The following SPAST variants were observed in gnomAD, a reference collection of about 807,000 sequenced individuals.
The protein encoded by SPAST is spastic paraplegia 4 (autosomal dominant; spastin).
Under a neutral mutation model 76.6 loss-of-function variants are expected in SPAST, and 30 were observed. The observed-to-expected ratio is 0.39, with a 90% confidence interval of 0.29 to 0.53. SPAST has a LOEUF of 0.53. Among genes scored for constraint, SPAST ranks in the 20% least tolerant of loss-of-function variants. SPAST has a pLI of 0.68. For missense variants in SPAST, 717 were observed against 770.5 expected (o/e 0.93, Z 0.82); for synonymous variants, 305 against 281.0 (o/e 1.09, Z -0.86).
rs946522636 is a variant in SPAST, at chr2:32,155,674, T to C, written c.*1178T>C. ...CAGTAATTCCATTTGTTTGTATAAA[T>C]ATGCCTGGATTTTCATTATAAAAAT... is the stretch of plus-strand genomic sequence containing the variant. On this transcript the variant is annotated 3_prime_UTR_variant, in exon 17 of 17. Transcript: ENST00000315285. 2.0e-5 allele frequency: 3 copies of C among 152,518 alleles called. No individual in the cohort carries two copies. The highest frequency in any genetic ancestry group is 7.2e-5 in the African/African-American group (3 of 41,430). The allele number at this position is 152,518 out of a possible 1,614,324, so 9.4% of individuals were successfully genotyped here.
At position 32,127,689 on chromosome 2, in the gene SPAST, G is replaced by A. The variant is rs1679240292; in HGVS notation, c.1173+667G>A. ...TTTTTTAAGTATTCTTTTGCCAGAA[G>A]TTTTTATCAGGCTCTGGATACCTCT... On this transcript the variant is annotated intron_variant, in intron 8 of 16. Coordinates refer to ENST00000315285, the MANE Select transcript of SPAST (RefSeq NM_014946.4). 9.3e-5 allele frequency: 14 copies of A among 150,064 alleles called. No homozygotes were observed. In the South Asian group the frequency reaches 2.9e-3, roughly 31 times the overall value. The allele number at this position is 150,064 out of a possible 1,614,324, so 9.3% of individuals were successfully genotyped here.
At chr2:32,075,554 T>C (rs1389891637) in intron 1 of SPAST, among the ~76,000 whole-genome samples, 4 of 135,060 alleles carry the variant, frequency 3.0e-5, no homozygotes, top group East Asian at 2.3e-4. Context: ...TTTCTTTTTT[T>C]TTTTTTTTTT....
chr2:32,119,466 T>G (rs1678947090), intron 7 of SPAST, among the ~76,000 whole-genome samples: 2 of 152,124 alleles, frequency 1.3e-5, no homozygotes, highest in Admixed American at 6.6e-5. Context: ...GAATCATAAT[T>G]AGTCATCTAA....
chr2:32,128,379 T>C, intron 8 of SPAST, 29 bp from the exon 9 acceptor site: 1 of 1,473,676 alleles, frequency 6.8e-7, no homozygotes, highest in Non-Finnish European at 9.5e-7. Flanking sequence ...ATTGAACTAA[T>C]TTAATATTTG....
In SPAST at chr2:32,140,812, G is replaced by A. The variant is rs554420817; in HGVS notation, c.1494-1092G>A. On this transcript the variant is annotated intron_variant, in intron 12 of 16. Coordinates refer to ENST00000315285, the MANE Select transcript of SPAST (RefSeq NM_014946.4). ...TTAAAAAATTAAATTATTTTATTTCGTGGAAAGATACTTGGTCATAATTTT... is the reference window on the plus strand; with the variant it reads ...TTAAAAAATTAAATTATTTTATTTCATGGAAAGATACTTGGTCATAATTTT... Among the ~76,000 whole-genome samples, 10 of 145,610 alleles carry A rather than the reference G, an allele frequency of 6.9e-5. No individual in the cohort carries two copies. In the South Asian group the frequency reaches 1.9e-3, roughly 28 times the overall value.
chr2:32,089,218 T>TTTTTTTTTTTTTTTTTTTTTTTTTTC (rs375850129), intron 2 of SPAST, among the ~76,000 whole-genome samples: 1 of 129,974 alleles, frequency 7.7e-6, no homozygotes, highest in Admixed American at 8.1e-5. Flanking sequence ...TTTTTTTTTT[T>TTTTTTTTTTTTTTTTTTTTTTTTTTC]AAGTAGAGAC....
chr2:32,121,305 A>G (rs1679009776), intron 7 of SPAST, among the ~76,000 whole-genome samples: 2 of 151,812 alleles, frequency 1.3e-5, no homozygotes, highest in Admixed American at 6.6e-5. Context: ...GGCATCTGCC[A>G]CCACGCCCAG....
chr2:32,110,495 A>AG (rs1678513232), intron 4 of SPAST, among the ~76,000 whole-genome samples: 1 of 136,642 alleles, frequency 7.3e-6, no homozygotes, highest in Non-Finnish European at 1.6e-5. Flanking sequence ...GTAACTATAT[A>AG]TATAGTATAT....
chr2:32,150,016 T>G (rs1244549987), intron 16 of SPAST, among the ~76,000 whole-genome samples: 1 of 151,680 alleles, frequency 6.6e-6, no homozygotes, highest in Non-Finnish European at 1.5e-5. Flanking sequence ...GCCTGTCGGA[T>G]GAGGCACCAT....
rs202142071 is a variant in SPAST, at chr2:32,087,647, C to CTATT, written c.502+87_502+90dup. On this transcript the variant is annotated intron_variant, in intron 2 of 16. Coordinates refer to ENST00000315285, the MANE Select transcript of SPAST (RefSeq NM_014946.4). ...TCACATGATTGTCCAGATTTCAGAT[C>CTATT]TATTTATTTATTTATTTATTTTTCT... 23,037 of 515,720 alleles carry CTATT rather than the reference C, an allele frequency of 0.045. 965 individuals are homozygous for CTATT. The highest frequency in any genetic ancestry group is 0.056 in the Middle Eastern group (102 of 1,828). 31.9% of individuals were successfully genotyped at this position (515,720 alleles called of 1,614,324 possible). A position where few individuals can be genotyped will look rare whatever the true frequency, so the allele number is the denominator to read the frequency against.
chr2:32,140,950 T>G (rs199751524), intron 12 of SPAST, among the ~76,000 whole-genome samples: 54,559 of 149,110 alleles, frequency 0.37, 10,603 homozygotes, highest in East Asian at 0.63. Context: ...GTTGTTTTTT[T>G]TTTTTTTTTT....
intron 9 of SPAST, among the ~76,000 whole-genome samples, chr2:32,132,416 T>C (rs1479678785): frequency 6.6e-6 from 1 of 151,922 alleles, no homozygotes; most frequent in East Asian, 1.9e-4. Context: ...AAAAAGAAAA[T>C]TGAAATGTCT....
chr2:32,085,712 T>G (rs1281950816), intron 1 of SPAST, among the ~76,000 whole-genome samples: 1 of 152,090 alleles, frequency 6.6e-6, no homozygotes, highest in Non-Finnish European at 1.5e-5. Context: ...GGAGACGGCA[T>G]TTCTTAGTCA....
intron 4 of SPAST, among the ~76,000 whole-genome samples, chr2:32,113,792 A>G (rs1678713812): frequency 1.3e-5 from 2 of 151,654 alleles, no homozygotes; most frequent in Non-Finnish European, 2.9e-5. Context: ...GTCTTGAACT[A>G]CTGACATCAG....
At chr2:32,068,456 G>A (rs1676615339) in intron 1 of SPAST, among the ~76,000 whole-genome samples, 1 of 151,754 alleles carries the variant, frequency 6.6e-6, no homozygotes, top group African/African-American at 2.4e-5. Context: ...CCAGTAACTG[G>A]GATTACAGGC....
At chr2:32,070,030 C>A (rs1434810971) in intron 1 of SPAST, among the ~76,000 whole-genome samples, 1 of 145,988 alleles carries the variant, frequency 6.8e-6, no homozygotes, top group Non-Finnish European at 1.5e-5. Context: ...TATGTTTATT[C>A]TGAATTTTAT....
At chr2:32,066,254 G>A (rs559619319) in intron 1 of SPAST, 7 of 152,216 alleles carry the variant, frequency 4.6e-5, no homozygotes, top group South Asian at 2.1e-4. Context: ...GATTACAGGT[G>A]TCAGCCACTG....
chr2:32,110,138 A>C (rs1340945979), intron 4 of SPAST, among the ~76,000 whole-genome samples: 1 of 129,276 alleles, frequency 7.7e-6, no homozygotes, highest in Non-Finnish European at 1.6e-5. Context: ...TTTTTTTTGG[A>C]GATGGAGTCT....
At chr2:32,107,474 G>A (rs2235134) in intron 4 of SPAST, among the ~76,000 whole-genome samples, 63,606 of 151,886 alleles carry the variant, frequency 0.42, 13,657 homozygotes, top group East Asian at 0.64. Flanking sequence ...GCTAGTCTGA[G>A]ACTCCTGACC....
Sources: gnomAD v4.1 joint callset for allele counts (sites outside exome capture counted in the v4.1 genomes callset) on GRCh38, gnomAD v4.1.1 for gene constraint, MANE v1.5 for transcripts, NCBI Gene and HGNC (gene_info 2026-07-23, HGNC 2026-07-21) for gene names.